NTM: variants seen among roughly 807,000 people sequenced by gnomAD.
NTM encodes IgLON family member 2.
Under a neutral mutation model 42.1 loss-of-function variants are expected in NTM, and 13 were observed. That is an observed-to-expected ratio of 0.31 (90% confidence interval 0.20 to 0.49). The LOEUF (loss-of-function observed/expected upper bound fraction) is 0.49, where lower values mean the gene tolerates loss of function less well. NTM is among the 20% of genes least tolerant of loss of function. The pLI is 0.99. For synonymous variants in NTM, 187 were observed against 179.2 expected, an observed-to-expected ratio of 1.04 and a Z score of -0.35; for missense variants, 373 against 452.8, an observed-to-expected ratio of 0.82 and a Z score of 1.60.
chr11:132,301,611 A>G lies in NTM; in HGVS notation c.527-6078A>G, dbSNP rs528727635. On this transcript the variant is annotated intron_variant, in intron 4 of 8. Coordinates refer to ENST00000683400, the MANE Select transcript of NTM (RefSeq NM_001352005.2). ...CCTTGAATGTTCATCAGCCATCATA[A>G]TGGCACTGGGGGAATACAACTGTCC... Among the ~76,000 whole-genome samples the G allele has an allele frequency of 7.2e-5, 11 of 152,310 alleles. No homozygotes were observed. In the South Asian group the frequency reaches 2.1e-3, roughly 29 times the overall value.
rs2070463046 is a variant in NTM, at chr11:132,146,574, A to C, written c.400+60A>C. 6.4e-7 allele frequency: 1 copy of C among 1,565,050 alleles called. No individual in the cohort carries two copies. Among genetic ancestry groups the C allele is most frequent in the Non-Finnish European group, 8.7e-7 (1 of 1,146,926 alleles). On this transcript the variant is annotated intron_variant, in intron 3 of 8. Coordinates refer to ENST00000683400, the MANE Select transcript of NTM (RefSeq NM_001352005.2). This position sits in a 1 kb window ranked among gnomAD's most constrained non-coding sequence, Gnocchi z 4.5. ...GGCCAGCCTGGAAAGCCTTCAGGTA[A>C]AGGTTTGTTCTCTGATCCTCAACAG... is the stretch of plus-strand genomic sequence containing the variant.
intron 2 of NTM, among the ~76,000 whole-genome samples, chr11:131,983,679 A>G (rs1450548263): frequency 6.6e-6 from 1 of 152,076 alleles, no homozygotes; most frequent in Admixed American, 6.6e-5. Flanking sequence ...ACTGGCTATA[A>G]TATTGTATCT....
intron 1 of NTM, among the ~76,000 whole-genome samples, chr11:131,740,535 A>G (rs1296115586): frequency 6.6e-6 from 1 of 152,164 alleles, no homozygotes; most frequent in Non-Finnish European, 1.5e-5. Flanking sequence ...GCTCACACTA[A>G]AATCCATAGA....
intron 2 of NTM, among the ~76,000 whole-genome samples, chr11:131,976,946 G>A (rs571755621): frequency 9.2e-5 from 14 of 152,180 alleles, no homozygotes; most frequent in African/African-American, 3.4e-4. Context: ...ATATCGGTGT[G>A]TGTGGGTAGT....
At chr11:132,119,798 G>T (rs184488031) in intron 2 of NTM, among the ~76,000 whole-genome samples, 1 of 152,308 alleles carries the variant, frequency 6.6e-6, no homozygotes, top group Admixed American at 6.5e-5. Flanking sequence ...CAATCACCTG[G>T]CAATGCACAG....
chr11:131,994,017 A>AAAAAGAAGAAG (rs566525065), intron 2 of NTM, among the ~76,000 whole-genome samples: 3 of 138,010 alleles, frequency 2.2e-5, no homozygotes, highest in African/African-American at 8.5e-5. Context: ...AAAAAAAAAA[A>AAAAAGAAGAAG]AAGAAGAAGA....
chr11:131,543,575 G>A (rs1199959297), intron 1 of NTM, among the ~76,000 whole-genome samples: 3 of 152,162 alleles, frequency 2.0e-5, no homozygotes, highest in Non-Finnish European at 4.4e-5. Flanking sequence ...CAAAGACCTT[G>A]GGGGTTTGCC....
At chr11:132,127,798 C>T (rs548111766) in intron 2 of NTM, among the ~76,000 whole-genome samples, 8 of 152,266 alleles carry the variant, frequency 5.3e-5, no homozygotes, top group Middle Eastern at 3.4e-3. Flanking sequence ...TTTTCTGGGG[C>T]GAGCAAATTG....
intron 1 of NTM, among the ~76,000 whole-genome samples, chr11:131,727,010 G>A (rs996229184): frequency 1.3e-5 from 2 of 151,390 alleles, no homozygotes; most frequent in African/African-American, 2.5e-5. Flanking sequence ...TCTTGAAGCT[G>A]ATTCCCCTGT....
intron 1 of NTM, among the ~76,000 whole-genome samples, chr11:131,793,803 G>T (rs1396995196): frequency 1.3e-5 from 2 of 152,172 alleles, no homozygotes; most frequent in East Asian, 1.9e-4. Flanking sequence ...GCCTGTGCAT[G>T]GATCTGAGCA....
intron 1 of NTM, among the ~76,000 whole-genome samples, chr11:131,376,459 C>T (rs1408485581): frequency 6.6e-6 from 1 of 152,138 alleles, no homozygotes; most frequent in Non-Finnish European, 1.5e-5. Flanking sequence ...GAGAAATGGC[C>T]TTTTGTTTAT....
At chr11:131,932,639 C>T (rs911888613) in intron 2 of NTM, among the ~76,000 whole-genome samples, 2 of 152,182 alleles carry the variant, frequency 1.3e-5, no homozygotes, top group African/African-American at 4.8e-5. Context: ...CTCTGATCAG[C>T]AGACAAGGAA....
chr11:131,434,249 C>T (rs548796061), intron 1 of NTM, among the ~76,000 whole-genome samples: 3 of 152,292 alleles, frequency 2.0e-5, no homozygotes, highest in South Asian at 2.1e-4. Context: ...AGTAAACATA[C>T]GTGTGCATGT....
At chr11:132,014,978 C>G (rs1242329730) in intron 2 of NTM, among the ~76,000 whole-genome samples, 1 of 151,800 alleles carries the variant, frequency 6.6e-6, no homozygotes, top group Non-Finnish European at 1.5e-5. Context: ...GACCACTGTC[C>G]TGGAGTGTTT....
At chr11:131,527,539 C>G (rs1030405680) in intron 1 of NTM, among the ~76,000 whole-genome samples, 2 of 152,222 alleles carry the variant, frequency 1.3e-5, no homozygotes, top group African/African-American at 4.8e-5. Flanking sequence ...CCATTGAACT[C>G]TGTTCTGCCT....
intron 2 of NTM, among the ~76,000 whole-genome samples, chr11:131,961,744 C>A (rs191735492): frequency 6.6e-6 from 1 of 152,176 alleles, no homozygotes; most frequent in Non-Finnish European, 1.5e-5. Context: ...AAAAGTCAGA[C>A]TGAGTGAGTG....
At chr11:132,045,892 C>T (rs60869258) in intron 2 of NTM, among the ~76,000 whole-genome samples, 5,167 of 152,274 alleles carry the variant, frequency 0.034, 293 homozygotes, top group African/African-American at 0.12. Flanking sequence ...GTCCGAGGAT[C>T]TGGAGCAGTG....
chr11:132,047,063 G>T (rs2078123067), intron 2 of NTM, among the ~76,000 whole-genome samples: 3 of 152,166 alleles, frequency 2.0e-5, no homozygotes, highest in Admixed American at 6.5e-5. Flanking sequence ...TGGTCATATG[G>T]TGACTGAAAC....
In NTM at chr11:132,336,398, A is replaced by AC. The variant is rs2095872398; in HGVS notation, c.*1252_*1253insC. 6.6e-6 allele frequency: 1 copy of AC among 152,178 alleles called. No homozygotes were observed. Among genetic ancestry groups the AC allele is most frequent in the African/African-American group, 2.4e-5 (1 of 41,406 alleles). The allele number at this position is 152,178 out of a possible 1,614,324, so 9.4% of individuals were successfully genotyped here. A position where few individuals can be genotyped will look rare whatever the true frequency, so the allele number is the denominator to read the frequency against. On this transcript the variant is annotated 3_prime_UTR_variant, in exon 9 of 9. Transcript: ENST00000683400. ...TAAAAAGTGAAAGGATAAAAAAAAA[A>AC]AAAAACAACTAATACCGGGCGCAGC...
Sources: allele counts gnomAD v4.1 joint callset (sites outside exome capture counted in the v4.1 genomes callset), GRCh38; gene constraint gnomAD v4.1.1; non-coding constraint Gnocchi (gnomAD v3.1); transcripts MANE v1.5; gene names NCBI Gene and HGNC (gene_info 2026-07-23, HGNC 2026-07-21).